Variants in TENM2 observed in about 807,000 individuals in gnomAD.
TENM2 encodes the protein teneurin-2.
Under a neutral mutation model 245.2 loss-of-function variants are expected in TENM2, and 52 were observed. That is an observed-to-expected ratio of 0.21 (90% CI 0.17 to 0.27). The LOEUF is 0.27. Among genes scored for constraint, TENM2 ranks in the 10% least tolerant of loss-of-function variants. The pLI is 1.00. For missense variants in TENM2, 3,046 were observed against 3,666.8 expected (o/e 0.83, Z 4.37); for synonymous variants, 1,363 against 1,438.9 (o/e 0.95, Z 1.19).
chr5:167,738,385 G>A lies in TENM2; in HGVS notation c.503-137601G>A, dbSNP rs77141548. Among the ~76,000 whole-genome samples the A allele has an allele frequency of 4.0e-3, 603 of 152,254 alleles. 4 individuals are homozygous for A. Among genetic ancestry groups the A allele is most frequent in the African/African-American group, 0.014 (564 of 41,538 alleles). On this transcript the variant is annotated intron_variant, in intron 2 of 28. Coordinates refer to ENST00000518659, the Ensembl canonical transcript of TENM2. The stretch of plus-strand genomic sequence containing the variant: ...CCTGGAAGAGTGACTTCTTGAGCTA[G>A]GCAATTTGCTTTTAGAAGATTTATT...
the TENM2 span, among the ~76,000 whole-genome samples, chr5:167,122,239 A>C: frequency 6.6e-6 from 1 of 152,280 alleles, no homozygotes; most frequent in African/African-American, 2.4e-5. Flanking sequence ...ACTAATTACA[A>C]GTAAAAAATA....
chr5:167,727,599 C>T (rs542653086), intron 2 of TENM2, among the ~76,000 whole-genome samples: 9 of 152,300 alleles, frequency 5.9e-5, no homozygotes, highest in South Asian at 2.1e-4. Context: ...ATCTACTTTT[C>T]GACATCACTG....
intron 2 of TENM2, among the ~76,000 whole-genome samples, chr5:167,618,940 C>T (rs1246700810): frequency 6.6e-6 from 1 of 152,070 alleles, no homozygotes; most frequent in African/African-American, 2.4e-5. Flanking sequence ...GTGAAGAAGA[C>T]AGGTCTTTGA....
At chr5:168,246,198 T>C (rs1377342426) in intron 26 of TENM2, among the ~76,000 whole-genome samples, 2 of 148,388 alleles carry the variant, frequency 1.3e-5, no homozygotes, top group African/African-American at 5.0e-5. Context: ...ATTGCACCAC[T>C]GCACTCCAGC....
the TENM2 span, among the ~76,000 whole-genome samples, chr5:167,015,177 G>T: frequency 6.6e-6 from 1 of 152,084 alleles, no homozygotes. Context: ...TTGGTTTCCT[G>T]TTATATTTTT....
At position 168,099,071 on chromosome 5, in the gene TENM2, G is replaced by T. The variant is rs561475487; in HGVS notation, c.1813+944G>T. Among the ~76,000 whole-genome samples, 6 of 151,938 alleles carry T rather than the reference G, an allele frequency of 3.9e-5. 1 individual carries two copies. In the South Asian group the frequency reaches 1.3e-3, roughly 32 times the overall value. ...ATTACAGGCATGTGCCACCACACCC[G>T]GCTAATTTTTGTATTTTTAGTAAAG... On this transcript the variant is annotated intron_variant, in intron 9 of 28. Transcript: ENST00000518659.
At chr5:167,376,923 G>T (rs1760786254) in intron 2 of TENM2, among the ~76,000 whole-genome samples, 1 of 152,126 alleles carries the variant, frequency 6.6e-6, no homozygotes, top group Non-Finnish European at 1.5e-5. Flanking sequence ...AAAATCACTT[G>T]TAATCCAAGA....
intron 2 of TENM2, among the ~76,000 whole-genome samples, chr5:167,556,342 G>A (rs1392592988): frequency 1.3e-5 from 2 of 151,616 alleles, no homozygotes; most frequent in Non-Finnish European, 1.5e-5. Flanking sequence ...TTTAGAGGAA[G>A]GCAATAATGG....
At chr5:168,228,567 C>T (rs1304196841) in intron 25 of TENM2, among the ~76,000 whole-genome samples, 1 of 79,838 alleles carries the variant, frequency 1.3e-5, no homozygotes, top group Non-Finnish European at 2.0e-5. Flanking sequence ...TTGCTAAGTG[C>T]TGGAAGAACA....
At chr5:167,927,629 G>A (rs1031513862) in intron 3 of TENM2, among the ~76,000 whole-genome samples, 3 of 152,158 alleles carry the variant, frequency 2.0e-5, no homozygotes, top group Non-Finnish European at 4.4e-5. Context: ...GTTTGCATTC[G>A]AAGAAAGCAA....
the TENM2 span, among the ~76,000 whole-genome samples, chr5:167,269,475 G>A: frequency 6.6e-6 from 1 of 151,840 alleles, no homozygotes; most frequent in Non-Finnish European, 1.5e-5. Flanking sequence ...CATCATTGAA[G>A]CAAGACTTTA....
At chr5:168,167,144 C>T (rs1758373354) in intron 13 of TENM2, among the ~76,000 whole-genome samples, 1 of 152,108 alleles carries the variant, frequency 6.6e-6, no homozygotes, top group Non-Finnish European at 1.5e-5. Context: ...TTTTTGCTTA[C>T]AGAAGACAAA....
chr5:167,632,638 A>G (rs117571239), intron 2 of TENM2, among the ~76,000 whole-genome samples: 2,866 of 152,272 alleles, frequency 0.019, 56 homozygotes, highest in Non-Finnish European at 0.026. Flanking sequence ...GCACACCAGT[A>G]TAGGTGACTG....
chr5:167,871,203 G>A (rs1276376980), intron 2 of TENM2, among the ~76,000 whole-genome samples: 1 of 152,158 alleles, frequency 6.6e-6, no homozygotes, highest in African/African-American at 2.4e-5. Flanking sequence ...TGACTGAAAT[G>A]GATGATGAGT....
At chr5:167,639,052 A>G (rs867517255) in intron 2 of TENM2, among the ~76,000 whole-genome samples, 1 of 152,222 alleles carries the variant, frequency 6.6e-6, no homozygotes, top group Non-Finnish European at 1.5e-5. Context: ...GTGCAAACAG[A>G]TTTATTCGGT....
chr5:167,773,651 C>T (rs901057056), intron 2 of TENM2, among the ~76,000 whole-genome samples: 1 of 152,106 alleles, frequency 6.6e-6, no homozygotes, highest in African/African-American at 2.4e-5. Context: ...ATCATTCTCT[C>T]TCTTATTGCA....
At chr5:167,725,319 C>G (rs1745086695) in intron 2 of TENM2, among the ~76,000 whole-genome samples, 1 of 151,994 alleles carries the variant, frequency 6.6e-6, no homozygotes, top group African/African-American at 2.4e-5. Context: ...GAGAAAGATC[C>G]TAAACATATG....
intron 2 of TENM2, among the ~76,000 whole-genome samples, chr5:167,552,296 C>T (rs1009120220): frequency 6.6e-6 from 1 of 152,158 alleles, no homozygotes; most frequent in Non-Finnish European, 1.5e-5. Context: ...CAAGTGGGTG[C>T]TGTAGTCCTT....
At chr5:167,991,061 C>A (rs1054104222) in intron 4 of TENM2, among the ~76,000 whole-genome samples, 1 of 152,122 alleles carries the variant, frequency 6.6e-6, no homozygotes, top group African/African-American at 2.4e-5. Context: ...CAACTCCCAG[C>A]GTCAGTTTTC....
Sources: gnomAD v4.1 joint callset for allele counts (sites outside exome capture counted in the v4.1 genomes callset) on GRCh38, gnomAD v4.1.1 for gene constraint, MANE v1.5 for transcripts, NCBI Gene and HGNC (gene_info 2026-07-23, HGNC 2026-07-21) for gene names.